SLC25A13: variants seen among roughly 807,000 people sequenced by gnomAD.
The protein encoded by SLC25A13 is solute carrier family 25 member 13.
SLC25A13 carries 70 observed loss-of-function variants against 85.5 expected under a neutral mutation model. The ratio of observed to expected loss-of-function variants is 0.82; its 90% CI spans 0.68 to 1.00. The LOEUF is 1.00. Ranked by LOEUF, SLC25A13 falls within the 50% of genes least tolerant of loss-of-function variation. The probability of loss-of-function intolerance (pLI) is 0.00; values close to 1 mark genes in which losing one functional copy is unlikely to be tolerated. For synonymous variants in SLC25A13, 259 were observed against 288.7 expected (o/e 0.90, Z 1.04); for missense variants, 765 against 819.8 (o/e 0.93, Z 0.82).
chr7:96,265,316 C>T lies in SLC25A13; in HGVS notation c.212+11880G>A, dbSNP rs180671386. Among the ~76,000 whole-genome samples the T allele has an allele frequency of 3.1e-3, 476 of 152,278 alleles. 4 individuals carry two copies. The highest frequency in any genetic ancestry group is 0.017 in the Middle Eastern group (5 of 294). Reference sequence around the variant, plus strand: ...CCAAATGTTAGGAAACTTCATTAAACTATATTTAAAAGCCACATTCATTAA... The same window carrying T: ...CCAAATGTTAGGAAACTTCATTAAATTATATTTAAAAGCCACATTCATTAA... On this transcript the variant is annotated intron_variant, in intron 3 of 17. Transcript: ENST00000265631.
chr7:96,181,391 G>A (rs914530981), intron 11 of SLC25A13, among the ~76,000 whole-genome samples: 5 of 152,280 alleles, frequency 3.3e-5, no homozygotes, highest in South Asian at 4.1e-4. Flanking sequence ...AGCCAGCTGC[G>A]GGGGAGGCAA....
chr7:96,266,625 G>T (rs867571205), intron 3 of SLC25A13, among the ~76,000 whole-genome samples: 1 of 152,052 alleles, frequency 6.6e-6, no homozygotes, highest in Non-Finnish European at 1.5e-5. Flanking sequence ...AGAAAACCCA[G>T]GCACCTGACA....
chr7:96,154,579 G>A (rs1406399755), intron 13 of SLC25A13, among the ~76,000 whole-genome samples: 5 of 152,268 alleles, frequency 3.3e-5, no homozygotes, highest in Non-Finnish European at 7.4e-5. Context: ...TTACAGGCGT[G>A]AGCCACTGCA....
intron 3 of SLC25A13, among the ~76,000 whole-genome samples, chr7:96,249,423 C>T (rs1301668075): frequency 6.6e-6 from 1 of 152,194 alleles, no homozygotes; most frequent in Non-Finnish European, 1.5e-5. Flanking sequence ...CACAGGCCAC[C>T]TGTGAATATA....
At position 96,160,504 on chromosome 7, in the gene SLC25A13, G is replaced by A. The variant is rs74718491; in HGVS notation, c.1311+9541C>T. ...GCTCGAAATCTGAGATCACAGTGCC[G>A]GCACAGTTGGAATCTGGTGAGCACT... is the stretch of plus-strand genomic sequence containing the variant. On this transcript the variant is annotated intron_variant, in intron 13 of 17. Transcript: ENST00000265631. 7.2e-4 allele frequency among the ~76,000 whole-genome samples: 110 copies of A among 152,252 alleles called. No individual in the cohort carries two copies. The East Asian group carries it at 0.02, about 28-fold the overall frequency.
At chr7:96,297,475 A>G (rs969166679) in intron 1 of SLC25A13, among the ~76,000 whole-genome samples, 3 of 151,992 alleles carry the variant, frequency 2.0e-5, no homozygotes, top group Non-Finnish European at 4.4e-5. Context: ...CTGGGATTGC[A>G]GGCGCGTACT....
At chr7:96,163,565 A>T (rs1200288690) in intron 13 of SLC25A13, among the ~76,000 whole-genome samples, 1 of 152,260 alleles carries the variant, frequency 6.6e-6, no homozygotes, top group African/African-American at 2.4e-5. Flanking sequence ...ATGCAGCAAT[A>T]GATAATCAGA....
chr7:96,135,539 A>G (rs1484360060), intron 14 of SLC25A13, among the ~76,000 whole-genome samples: 1 of 152,208 alleles, frequency 6.6e-6, no homozygotes, highest in Non-Finnish European at 1.5e-5. Flanking sequence ...TAAGGGGGAA[A>G]ATGTTTCTCT....
At chr7:96,165,727 CAG>C (rs1014325842) in intron 13 of SLC25A13, among the ~76,000 whole-genome samples, 2 of 152,146 alleles carry the variant, frequency 1.3e-5, no homozygotes, top group Admixed American at 1.3e-4. Context: ...ACTGTCAGGA[CAG>C]AGTTTTCTCT....
intron 7 of SLC25A13, among the ~76,000 whole-genome samples, chr7:96,190,146 G>C (rs1415062766): frequency 6.7e-6 from 1 of 148,488 alleles, no homozygotes; most frequent in African/African-American, 2.5e-5. Flanking sequence ...GTGCAGTGGT[G>C]CAATCTCGGT....
intron 2 of SLC25A13, among the ~76,000 whole-genome samples, chr7:96,277,785 G>T (rs1798515830): frequency 7.4e-6 from 1 of 134,784 alleles, no homozygotes; most frequent in Admixed American, 8.0e-5. Flanking sequence ...TTTAGCAAAG[G>T]CACATAGCTT....
At chr7:96,219,580 C>G (rs1345361941) in intron 4 of SLC25A13, 1 of 449,484 alleles carries the variant, frequency 2.2e-6, no homozygotes, top group Non-Finnish European at 4.6e-6. Context: ...TATACTCAGC[C>G]ATTGTTCATT....
In SLC25A13 at chr7:96,124,928, G is replaced by A. The variant is rs75245075; in HGVS notation, c.1592-2931C>T. 6.9e-3 allele frequency among the ~76,000 whole-genome samples: 1,047 copies of A among 152,226 alleles called. 8 individuals carry two copies. The highest frequency in any genetic ancestry group is 0.011 in the African/African-American group (449 of 41,542). On this transcript the variant is annotated intron_variant, in intron 15 of 17. Transcript: ENST00000265631. ...CATTTGCATCCTCCAGCAAGGGGAG[G>A]ACTTTGGCGCACTGGCACTTTTGTC... is the stretch of plus-strand genomic sequence containing the variant.
At chr7:96,184,225 C>CA in intron 11 of SLC25A13, 52 bp downstream of exon 11, 1 of 1,606,762 alleles carries the variant, frequency 6.2e-7, no homozygotes, top group South Asian at 1.1e-5. Context: ...GATGAGAAAC[C>CA]AAACCTTTGA....
At chr7:96,232,026 G>A (rs1003539894) in intron 4 of SLC25A13, among the ~76,000 whole-genome samples, 1 of 152,160 alleles carries the variant, frequency 6.6e-6, no homozygotes, top group Non-Finnish European at 1.5e-5. Context: ...AAACAGTGTG[G>A]TGATTCCTCA....
chr7:96,297,754 G>T (rs1035208733), intron 1 of SLC25A13, among the ~76,000 whole-genome samples: 1 of 152,192 alleles, frequency 6.6e-6, no homozygotes, highest in Non-Finnish European at 1.5e-5. Context: ...GCATGCCAAA[G>T]AACCTCTCCT....
chr7:96,239,065 A>ATATATG (rs1392985826), intron 3 of SLC25A13, among the ~76,000 whole-genome samples: 7 of 132,064 alleles, frequency 5.3e-5, no homozygotes, highest in African/African-American at 2.0e-4. Context: ...ATATATATAT[A>ATATATG]TATGTATGTA....
At chr7:96,279,376 G>A (rs926734240) in intron 2 of SLC25A13, among the ~76,000 whole-genome samples, 1 of 152,038 alleles carries the variant, frequency 6.6e-6, no homozygotes, top group African/African-American at 2.4e-5. Flanking sequence ...ACATACCTGC[G>A]ACTGGGTAAT....
chr7:96,192,743 T>C (rs954482034), intron 6 of SLC25A13, among the ~76,000 whole-genome samples: 2 of 151,994 alleles, frequency 1.3e-5, no homozygotes, highest in Non-Finnish European at 2.9e-5. Context: ...CAGCCCTTGA[T>C]ATACTTCAAA....
Sources: gnomAD v4.1 joint callset for allele counts (sites outside exome capture counted in the v4.1 genomes callset) on GRCh38, gnomAD v4.1.1 for gene constraint, MANE v1.5 for transcripts, NCBI Gene and HGNC (gene_info 2026-07-23, HGNC 2026-07-21) for gene names.